The following ZNF608 variants were observed in gnomAD, a reference collection of about 807,000 sequenced individuals.
ZNF608 encodes zinc finger protein 608.
In ZNF608, 12 loss-of-function variants were observed where a neutral mutation model predicts 109.0. The ratio of observed to expected loss-of-function variants is 0.11; its 90% CI spans 0.07 to 0.18. The LOEUF (loss-of-function observed/expected upper bound fraction) is 0.18. ZNF608 is among the 10% of genes least tolerant of loss of function. The probability of loss-of-function intolerance (pLI) is 1.00; values close to 1 mark genes in which losing one functional copy is unlikely to be tolerated. For missense variants in ZNF608, 1,707 were observed against 1,879.3 expected (o/e 0.91, Z 1.70); for synonymous variants, 732 against 717.4 (o/e 1.02, Z -0.33).
intron 5 of ZNF608, among the ~76,000 whole-genome samples, chr5:124,644,984 G>A (rs945645529): frequency 2.6e-5 from 4 of 152,142 alleles, no homozygotes; most frequent in East Asian, 1.9e-4. Context: ...TCAGAGCTGG[G>A]CCCTTAATGT....
At chr5:124,651,787 C>T (rs1216215538) in intron 3 of ZNF608, among the ~76,000 whole-genome samples, 1 of 152,216 alleles carries the variant, frequency 6.6e-6, no homozygotes, top group South Asian at 2.1e-4. Context: ...CCGAGGCGGC[C>T]GCCCGGAGCA....
At chr5:124,723,171 C>G (rs1754002992) in intron 2 of ZNF608, among the ~76,000 whole-genome samples, 1 of 151,882 alleles carries the variant, frequency 6.6e-6, no homozygotes, top group African/African-American at 2.4e-5. Flanking sequence ...GGTGGGATTA[C>G]AGGCACGCGA....
chr5:124,699,212 C>T (rs1022311076), intron 3 of ZNF608, among the ~76,000 whole-genome samples: 5 of 152,264 alleles, frequency 3.3e-5, no homozygotes, highest in East Asian at 3.9e-4. Context: ...TCAGTCTGAA[C>T]GCCTTATCCA....
chr5:124,653,297 C>G (rs1393562665), intron 3 of ZNF608, among the ~76,000 whole-genome samples: 1 of 152,192 alleles, frequency 6.6e-6, no homozygotes, highest in African/African-American at 2.4e-5. Context: ...GAGCCTGTTA[C>G]TTCCTCAAGC....
rs1253988992 is a variant in ZNF608, at chr5:124,646,768, G to C, written c.3616C>G (p.His1206Asp). 6.2e-7 allele frequency: 1 copy of C among 1,614,220 alleles called. No individual in the cohort carries two copies. The highest frequency in any genetic ancestry group is 8.5e-7 in the Non-Finnish European group (1 of 1,180,042). The change falls in exon 5 of 10, where the codon CAC becomes GAC. Residue 1206 changes from histidine (H) to aspartate (D), a missense_variant. This residue lies in a region of ZNF608 where 1,073 missense variants were observed against 1,133.5 expected (regional missense o/e 0.95). Coordinates refer to ENST00000513986, the MANE Select transcript of ZNF608 (RefSeq NM_020747.3). ...TCTACAGCCTCCTTAATAAGCTGGTGGTTTTCCATCTGCTTAGCTTTGAAG... is the reference window on the plus strand; with the variant it reads ...TCTACAGCCTCCTTAATAAGCTGGTCGTTTTCCATCTGCTTAGCTTTGAAG... ...DSFKAKQMEN[H>D]QLIKEAVEMK...
At chr5:124,746,985 G>T (rs1297813648), upstream of ZNF608, among the ~76,000 whole-genome samples, 1 of 151,362 alleles carries the variant, frequency 6.6e-6, no homozygotes, top group Non-Finnish European at 1.5e-5. Context: ...GAAAATAACG[G>T]CGTTTAAAAT....
chr5:124,671,325 C>T (rs949578998), intron 3 of ZNF608, among the ~76,000 whole-genome samples: 1 of 152,122 alleles, frequency 6.6e-6, no homozygotes, highest in East Asian at 1.9e-4. Context: ...ATCTCCTGCC[C>T]AATTCCTAGA....
intron 2 of ZNF608, among the ~76,000 whole-genome samples, chr5:124,741,719 G>C (rs768088552): frequency 3.9e-5 from 6 of 152,202 alleles, no homozygotes; most frequent in Non-Finnish European, 8.8e-5. Flanking sequence ...CCACTAGTTA[G>C]TGGAATTAGA....
upstream of ZNF608, chr5:124,746,873 G>A (rs939806287): frequency 1.3e-6 from 1 of 752,702 alleles, no homozygotes; most frequent in African/African-American, 1.9e-5. Context: ...GAAAAAGAAA[G>A]GTGTGGAGGA....
intron 2 of ZNF608, among the ~76,000 whole-genome samples, chr5:124,709,558 G>C (rs1753409004): frequency 6.6e-6 from 1 of 152,128 alleles, no homozygotes; most frequent in Non-Finnish European, 1.5e-5. Flanking sequence ...GCAGACACAG[G>C]GACTCTTTTC....
Position 124,729,699 on chromosome 5 carries a change from C to T in ZNF608, c.906+14385G>A, listed in dbSNP as rs372387553. On this transcript the variant is annotated intron_variant, in intron 2 of 9. Coordinates refer to ENST00000513986, the MANE Select transcript of ZNF608 (RefSeq NM_020747.3). ...ATACATATATGCTATATTTAGTGATCTGTGGTTACTTTTATTTCTTTTTTG... is the reference window on the plus strand; with the variant it reads ...ATACATATATGCTATATTTAGTGATTTGTGGTTACTTTTATTTCTTTTTTG... Among the ~76,000 whole-genome samples, 55 of 152,212 alleles carry T rather than the reference C, an allele frequency of 3.6e-4. 2 individuals carry two copies. The South Asian group carries it at 0.011, about 30-fold the overall frequency.
intron 2 of ZNF608, among the ~76,000 whole-genome samples, chr5:124,717,221 T>C (rs1479364184): frequency 6.6e-6 from 1 of 152,014 alleles, no homozygotes; most frequent in Admixed American, 6.6e-5. Flanking sequence ...ACCCCAGCAT[T>C]TTGGGAGGCC....
intron 3 of ZNF608, among the ~76,000 whole-genome samples, chr5:124,652,283 C>G (rs958245587): frequency 4.6e-5 from 7 of 152,176 alleles, no homozygotes; most frequent in African/African-American, 1.7e-4. Flanking sequence ...TATTTGCACT[C>G]GGAAGGAATC....
chr5:124,694,814 T>C (rs11241763), intron 3 of ZNF608, among the ~76,000 whole-genome samples: 61,586 of 149,594 alleles, frequency 0.41, 13,613 homozygotes, highest in East Asian at 0.68. Context: ...AGTGAGAACA[T>C]GCGGTGTTTG....
At position 124,647,996 on chromosome 5, in the gene ZNF608, T is replaced by G; in HGVS notation, c.2388A>C (p.Gly796=). ...KPIQPKPTIM[G]EPITVNPALV... The stretch of plus-strand genomic sequence containing the variant: ...GAGCTGGGTTCACGGTGATGGGCTC[T>G]CCCATAATTGTGGGCTTTGGTTGAA... Residue 796 remains glycine (G), a synonymous_variant, in exon 5 of 10, where the codon GGA becomes GGC. Transcript: ENST00000513986. 1 of 1,614,242 alleles carries G rather than the reference T, an allele frequency of 6.2e-7. No individual in the cohort carries two copies. The highest frequency in any genetic ancestry group is 8.5e-7 in the Non-Finnish European group (1 of 1,180,050).
intron 3 of ZNF608, among the ~76,000 whole-genome samples, chr5:124,667,176 G>A (rs141407690): frequency 9.8e-5 from 15 of 152,294 alleles, no homozygotes; most frequent in African/African-American, 3.4e-4. Flanking sequence ...TACTTAGACC[G>A]TATTCACAAC....
chr5:124,741,532 C>A (rs147372462), intron 2 of ZNF608, among the ~76,000 whole-genome samples: 10 of 152,090 alleles, frequency 6.6e-5, no homozygotes, highest in African/African-American at 2.2e-4. Context: ...TCTTCACAAA[C>A]TCAGATAATC....
chr5:124,739,756 C>G (rs1173360816), intron 2 of ZNF608, among the ~76,000 whole-genome samples: 4 of 152,162 alleles, frequency 2.6e-5, no homozygotes, highest in African/African-American at 9.7e-5. Flanking sequence ...AATACACGCG[C>G]ACACACAGAC....
intron 2 of ZNF608, among the ~76,000 whole-genome samples, chr5:124,729,078 C>A (rs1431595277): frequency 6.6e-6 from 1 of 152,134 alleles, no homozygotes; most frequent in Non-Finnish European, 1.5e-5. Flanking sequence ...CAGGAAGCAA[C>A]CAGAAGGAGG....
Sources: gnomAD v4.1 joint callset for allele counts (sites outside exome capture counted in the v4.1 genomes callset) on GRCh38, gnomAD v4.1.1 for gene constraint, gnomAD v4.1.1 regional missense constraint, MANE v1.5 for transcripts, NCBI Gene and HGNC (gene_info 2026-07-23, HGNC 2026-07-21) for gene names.